The following MTHFD2L variants were observed in gnomAD, a reference collection of about 807,000 sequenced individuals.
MTHFD2L encodes the protein bifunctional methylenetetrahydrofolate dehydrogenase/cyclohydrolase 2, mitochondrial.
Under a neutral mutation model 34.9 loss-of-function variants are expected in MTHFD2L, and 29 were observed. The observed-to-expected ratio is 0.83, with a 90% confidence interval of 0.62 to 1.13. The LOEUF is 1.13. MTHFD2L is among the 50% of genes most tolerant of loss of function. The probability of loss-of-function intolerance (pLI) is 0.00; values close to 1 mark genes in which losing one functional copy is unlikely to be tolerated. For missense variants in MTHFD2L, 481 were observed against 446.5 expected, an observed-to-expected ratio of 1.08 and a Z score of -0.70; for synonymous variants, 167 against 155.7, an observed-to-expected ratio of 1.07 and a Z score of -0.54.
chr4:74,128,492 A>G (rs1722237335), intron 1 of MTHFD2L, among the ~76,000 whole-genome samples: 1 of 151,898 alleles, frequency 6.6e-6, no homozygotes, highest in Non-Finnish European at 1.5e-5. Context: ...CCCATTGTCT[A>G]TTCTTGGTGT....
At chr4:74,281,598 A>C in intron 7 of MTHFD2L, 48 bp downstream of exon 7, 1 of 1,541,532 alleles carries the variant, frequency 6.5e-7, no homozygotes, top group Middle Eastern at 1.8e-4. Context: ...AAAAAATTCC[A>C]CCTTACGTAT....
At chr4:74,162,441 T>G (rs1431828003) in intron 1 of MTHFD2L, among the ~76,000 whole-genome samples, 1 of 151,900 alleles carries the variant, frequency 6.6e-6, no homozygotes, top group Non-Finnish European at 1.5e-5. Context: ...TATCTAAAGA[T>G]CTAAAGATTC....
At chr4:74,152,050 T>C (rs1315748570) in intron 1 of MTHFD2L, among the ~76,000 whole-genome samples, 1 of 152,188 alleles carries the variant, frequency 6.6e-6, no homozygotes, top group Admixed American at 6.5e-5. Context: ...TTAACCCATC[T>C]TTGTATTATC....
chr4:74,116,303 T>A (rs1287045828), intron 2 of MTHFD2L, among the ~76,000 whole-genome samples: 1 of 152,088 alleles, frequency 6.6e-6, no homozygotes, highest in Non-Finnish European at 1.5e-5. Flanking sequence ...TGTCAACCAA[T>A]AAAATACATA....
intron 1 of MTHFD2L, among the ~76,000 whole-genome samples, chr4:74,138,197 G>C (rs1723064902): frequency 6.6e-6 from 1 of 151,938 alleles, no homozygotes; most frequent in Non-Finnish European, 1.5e-5. Flanking sequence ...TGTCTGTTTG[G>C]GTTGGTCATG....
At chr4:74,261,210 G>T (rs1419233355) in intron 6 of MTHFD2L, among the ~76,000 whole-genome samples, 1 of 151,976 alleles carries the variant, frequency 6.6e-6, no homozygotes, top group East Asian at 1.9e-4. Context: ...TTCTTTGAAG[G>T]TATGATAGTT....
At chr4:74,268,007 T>C in intron 6 of MTHFD2L, 1 of 985,080 alleles carries the variant, frequency 1.0e-6, no homozygotes, top group South Asian at 4.7e-5. Context: ...GCATGAATAT[T>C]ATTCTCATGA....
intron 6 of MTHFD2L, among the ~76,000 whole-genome samples, 176 bp downstream of exon 6, chr4:74,225,570 A>G (rs1739020215): frequency 2.0e-5 from 3 of 152,166 alleles, no homozygotes; most frequent in Admixed American, 6.6e-5. Flanking sequence ...CTATGTTAGC[A>G]TTTGTTACTT....
upstream of MTHFD2L, chr4:74,158,054 G>C (rs745864406): frequency 7.9e-6 from 12 of 1,525,832 alleles, no homozygotes; most frequent in African/African-American, 1.4e-5. Flanking sequence ...TGCCAGCCCG[G>C]GTGAGGGCGG....
chr4:74,251,277 T>C (rs945976695), intron 6 of MTHFD2L, among the ~76,000 whole-genome samples: 3 of 152,362 alleles, frequency 2.0e-5, no homozygotes, highest in East Asian at 3.9e-4. Context: ...ACATTTTCAA[T>C]GGATAAACCA....
In MTHFD2L at chr4:74,201,502, A is replaced by G. The variant is rs148126595; in HGVS notation, c.712+132A>G. The G allele has an allele frequency of 1.1e-3, 566 of 498,532 alleles. 1 individual carries two copies. The highest frequency in any genetic ancestry group is 0.01 in the African/African-American group (520 of 50,418). 30.9% of individuals were successfully genotyped at this position (498,532 alleles called of 1,614,324 possible). On this transcript the variant is annotated intron_variant, in intron 5 of 7. Coordinates refer to ENST00000325278, the MANE Select transcript of MTHFD2L (RefSeq NM_001144978.3). ...CAGTTCAAAGTCTCCTTTATTCCTC[A>G]TTTAGTGATGTGAGAGTCTTGAAAG...
At chr4:74,225,178 G>C in intron 5 of MTHFD2L, 124 bp from the exon 6 acceptor site, 1 of 714,830 alleles carries the variant, frequency 1.4e-6, no homozygotes, top group Non-Finnish European at 2.3e-6. Flanking sequence ...TGCTCAAAGT[G>C]ATTTAGTCAT....
chr4:74,155,909 T>TA (rs60044806), upstream of MTHFD2L, among the ~76,000 whole-genome samples: 7 of 143,090 alleles, frequency 4.9e-5, no homozygotes, highest in African/African-American at 5.1e-5. Context: ...CCATGTGATT[T>TA]AAAAAAAAAA....
At position 74,214,528 on chromosome 4, in the gene MTHFD2L, A is replaced by G. The variant is rs1009293464; in HGVS notation, c.713-10774A>G. On this transcript the variant is annotated intron_variant, in intron 5 of 7. Transcript: ENST00000325278. ...TCCAATCCTTCTTTGCCTAGGTATC[A>G]CCAGTGGAGGCTGCAGAACAGCAAA... is the stretch of plus-strand genomic sequence containing the variant. 2.6e-5 allele frequency among the ~76,000 whole-genome samples: 4 copies of G among 151,722 alleles called. 1 individual carries two copies. The highest frequency in any genetic ancestry group is 9.7e-5 in the African/African-American group (4 of 41,040).
At chr4:74,299,819 G>T (rs1256926835) in intron 7 of MTHFD2L, among the ~76,000 whole-genome samples, 1 of 152,018 alleles carries the variant, frequency 6.6e-6, no homozygotes, top group African/African-American at 2.4e-5. Context: ...TAAGGGAACA[G>T]ACAGTGCACA....
intron 3 of MTHFD2L, among the ~76,000 whole-genome samples, chr4:74,192,362 A>G (rs548067408): frequency 6.6e-6 from 1 of 152,082 alleles, no homozygotes; most frequent in Non-Finnish European, 1.5e-5. Flanking sequence ...ACATTATGCT[A>G]TATTTGTTTT....
rs139900620 is a variant in MTHFD2L, at chr4:74,229,691, T to C, written c.805+4297T>C. Among the ~76,000 whole-genome samples the C allele has an allele frequency of 7.2e-5, 11 of 152,246 alleles. No individual in the cohort carries two copies. The East Asian group carries it at 2.1e-3, about 29-fold the overall frequency. ...TCTCATAGTACTACTCCTACTGGCTTATATATCACTCACCTTTTTAAAATT... is the reference window on the plus strand; with the variant it reads ...TCTCATAGTACTACTCCTACTGGCTCATATATCACTCACCTTTTTAAAATT... On this transcript the variant is annotated intron_variant, in intron 6 of 7. Coordinates refer to ENST00000325278, the MANE Select transcript of MTHFD2L (RefSeq NM_001144978.3).
intron 3 of MTHFD2L, among the ~76,000 whole-genome samples, chr4:74,192,024 T>G (rs1212165992): frequency 6.6e-6 from 1 of 152,188 alleles, no homozygotes; most frequent in Non-Finnish European, 1.5e-5. Context: ...AAATATTTAT[T>G]GAGTGCCTCT....
chr4:74,234,500 T>A (rs1318622108), intron 6 of MTHFD2L, among the ~76,000 whole-genome samples: 3 of 152,090 alleles, frequency 2.0e-5, no homozygotes, highest in Non-Finnish European at 4.4e-5. Context: ...TGTATGCTAT[T>A]TCCAATATAT....
Sources: gnomAD v4.1 joint callset for allele counts (sites outside exome capture counted in the v4.1 genomes callset) on GRCh38, gnomAD v4.1.1 for gene constraint, MANE v1.5 for transcripts, NCBI Gene and HGNC (gene_info 2026-07-23, HGNC 2026-07-21) for gene names.